The following TESK2 variants were observed in gnomAD, a reference collection of about 807,000 sequenced individuals.
The protein encoded by TESK2 is testis associated actin remodelling kinase 2.
TESK2 carries 39 observed loss-of-function variants against 57.1 expected under a neutral mutation model. The ratio of observed to expected loss-of-function variants is 0.68; its 90% CI spans 0.53 to 0.89. The LOEUF is 0.89. Among genes scored for constraint, TESK2 ranks in the 40% least tolerant of loss-of-function variants. TESK2 has a pLI of 0.00. For synonymous variants in TESK2, 249 were observed against 267.9 expected (o/e 0.93, Z 0.69); for missense variants, 646 against 732.1 (o/e 0.88, Z 1.36).
intron 4 of TESK2, among the ~76,000 whole-genome samples, chr1:45,362,482 A>G (rs1647727377): frequency 6.6e-6 from 1 of 152,244 alleles, no homozygotes; most frequent in Non-Finnish European, 1.5e-5. Context: ...ATTCAGAACA[A>G]TAAGACAAAA....
intron 3 of TESK2, among the ~76,000 whole-genome samples, chr1:45,405,697 A>T (rs1031355411): frequency 6.6e-6 from 1 of 150,868 alleles, no homozygotes; most frequent in Non-Finnish European, 1.5e-5. Context: ...ATATATCTAC[A>T]TATATATACA....
intron 1 of TESK2, among the ~76,000 whole-genome samples, chr1:45,479,550 C>G (rs968581312): frequency 6.6e-6 from 1 of 151,694 alleles, no homozygotes; most frequent in East Asian, 1.9e-4. Flanking sequence ...TCCTGCCTTA[C>G]CCTCCAAAGC....
intron 1 of TESK2, among the ~76,000 whole-genome samples, chr1:45,489,079 C>T (rs1379435961): frequency 6.7e-6 from 1 of 150,272 alleles, no homozygotes; most frequent in Non-Finnish European, 1.5e-5. Flanking sequence ...TGGGAGGATC[C>T]GAGACTGCAC....
At chr1:45,380,655 G>C (rs1430302212) in intron 4 of TESK2, among the ~76,000 whole-genome samples, 1 of 152,176 alleles carries the variant, frequency 6.6e-6, no homozygotes, top group Non-Finnish European at 1.5e-5. Flanking sequence ...AGAGCAAAGA[G>C]AAAGAATAAG....
At chr1:45,447,731 T>C (rs1651695978) in intron 2 of TESK2, among the ~76,000 whole-genome samples, 1 of 152,214 alleles carries the variant, frequency 6.6e-6, no homozygotes, top group Non-Finnish European at 1.5e-5. Flanking sequence ...CAATTGGCAC[T>C]GTGGTAGGAT....
chr1:45,490,176 G>A (rs761101556), intron 1 of TESK2, among the ~76,000 whole-genome samples: 3 of 152,122 alleles, frequency 2.0e-5, no homozygotes, highest in Admixed American at 2.0e-4. Context: ...AACCTTCAAC[G>A]GCTCCCCATG....
At chr1:45,378,610 A>G (rs1244973368) in intron 4 of TESK2, among the ~76,000 whole-genome samples, 3 of 152,234 alleles carry the variant, frequency 2.0e-5, no homozygotes, top group Non-Finnish European at 4.4e-5. Flanking sequence ...GCTGACACAT[A>G]TGGATCAAAG....
At chr1:45,383,816 GA>G (rs1193352073) in intron 4 of TESK2, among the ~76,000 whole-genome samples, 1 of 151,856 alleles carries the variant, frequency 6.6e-6, no homozygotes, top group African/African-American at 2.4e-5. Flanking sequence ...TCACTTCCAA[GA>G]AAAAAAATAC....
chr1:45,484,413 ATTC>A (rs948407189), intron 1 of TESK2, among the ~76,000 whole-genome samples: 3 of 151,798 alleles, frequency 2.0e-5, no homozygotes, highest in Non-Finnish European at 2.9e-5. Context: ...CCAGCCATAT[ATTC>A]TTATTTGTAA....
chr1:45,480,301 T>C (rs758407762), intron 1 of TESK2, among the ~76,000 whole-genome samples: 27 of 151,150 alleles, frequency 1.8e-4, no homozygotes, highest in Non-Finnish European at 3.2e-4. Flanking sequence ...TCTATTAAAA[T>C]ATAAAAATTA....
At chr1:45,421,040 TTGAGCCC>T (rs1650456227) in intron 3 of TESK2, among the ~76,000 whole-genome samples, 1 of 152,152 alleles carries the variant, frequency 6.6e-6, no homozygotes, top group South Asian at 2.1e-4. Context: ...GGTGAATTGC[TTGAGCCC>T]AGGAACTTGA....
At chr1:45,474,798 TA>T (rs1219091852) in intron 1 of TESK2, among the ~76,000 whole-genome samples, 3 of 151,380 alleles carry the variant, frequency 2.0e-5, no homozygotes, top group African/African-American at 7.3e-5. Flanking sequence ...TTTTTTTTTT[TA>T]ATGCAGTTTC....
intron 1 of TESK2, among the ~76,000 whole-genome samples, chr1:45,472,067 C>A (rs1325014870): frequency 6.6e-6 from 1 of 150,702 alleles, no homozygotes; most frequent in African/African-American, 2.4e-5. Context: ...CTGGCTAACA[C>A]GGTGAAACCC....
intron 3 of TESK2, among the ~76,000 whole-genome samples, chr1:45,419,922 A>T (rs2642902): frequency 0.25 from 38,531 of 152,252 alleles, 5,007 homozygotes; most frequent in East Asian, 0.36. Flanking sequence ...AAGGATAAAA[A>T]GTTTCAAGTA....
chr1:45,345,370 T>C lies in TESK2; in HGVS notation c.1186A>G (p.Thr396Ala), dbSNP rs1408951162. Residue 396 changes from threonine to alanine, a missense_variant, in exon 11 of 11, where the codon ACC (threonine) becomes GCC (alanine). Thr to Ala is a moderately conservative substitution (Grantham distance 58). Transcript: ENST00000372086. ...YYRPRDGAAR[T>A]PKVNPFSARQ... ...GCACTAAAAGGGTTGACTTTGGGGGTGCGGGCAGCACCATCTCGTGGCCGG... is the reference window on the plus strand; with the variant it reads ...GCACTAAAAGGGTTGACTTTGGGGGCGCGGGCAGCACCATCTCGTGGCCGG... The C allele has an allele frequency of 3.1e-6, 5 of 1,613,662 alleles. No individual in the cohort carries two copies. The highest frequency in any genetic ancestry group is 4.2e-6 in the Non-Finnish European group (5 of 1,179,978).
At chr1:45,485,190 G>GTTTTTTTTTTTTTT in intron 1 of TESK2, among the ~76,000 whole-genome samples, 1 of 141,296 alleles carries the variant, frequency 7.1e-6, no homozygotes, top group Non-Finnish European at 1.6e-5. Flanking sequence ...TTTGTTTTTT[G>GTTTTTTTTTTTTTT]TTTTTTGTTT....
At chr1:45,480,605 A>C (rs950159560) in intron 1 of TESK2, among the ~76,000 whole-genome samples, 1 of 151,974 alleles carries the variant, frequency 6.6e-6, no homozygotes, top group African/African-American at 2.4e-5. Flanking sequence ...ATTATAAGGA[A>C]TTAGTTAAAT....
rs199675398 is a variant in TESK2, at chr1:45,440,728, C to A, written c.222+16836G>T. ...AAGACTCGGTCTCAAAAAAAAAAAA[C>A]AAACAAACAAACAAACAAAATATAT... On this transcript the variant is annotated intron_variant, in intron 2 of 10. Coordinates refer to ENST00000372086, the MANE Select transcript of TESK2 (RefSeq NM_007170.3). Among the ~76,000 whole-genome samples the A allele has an allele frequency of 3.3e-3, 487 of 149,400 alleles. 1 individual carries two copies. The highest frequency in any genetic ancestry group is 0.017 in the East Asian group (87 of 5,124).
chr1:45,482,738 G>C (rs1251045210), intron 1 of TESK2, among the ~76,000 whole-genome samples: 2 of 142,658 alleles, frequency 1.4e-5, no homozygotes, highest in African/African-American at 2.6e-5. Flanking sequence ...CAGGCACCCT[G>C]GGAGGCCAAG....
Sources: gnomAD v4.1 joint callset for allele counts (sites outside exome capture counted in the v4.1 genomes callset) on GRCh38, gnomAD v4.1.1 for gene constraint, MANE v1.5 for transcripts, NCBI Gene and HGNC (gene_info 2026-07-23, HGNC 2026-07-21) for gene names.